Variants in HDAC9 observed in about 807,000 individuals in gnomAD.
HDAC9 encodes MEF-2 interacting transcription repressor (MITR) protein.
HDAC9 carries 41 observed loss-of-function variants against 139.4 expected under a neutral mutation model. That is an observed-to-expected ratio of 0.29 (90% CI 0.23 to 0.38). The LOEUF (loss-of-function observed/expected upper bound fraction) is 0.38, where lower values mean the gene tolerates loss of function less well. Ranked by LOEUF, HDAC9 falls within the 10% of genes least tolerant of loss-of-function variation. The pLI is 1.00. For synonymous variants in HDAC9, 517 were observed against 476.2 expected (o/e 1.09, Z -1.12); for missense variants, 1,147 against 1,297.0 (o/e 0.88, Z 1.78).
At chr7:18,391,656 A>G (rs1346230162) in intron 1 of HDAC9, among the ~76,000 whole-genome samples, 2 of 152,246 alleles carry the variant, frequency 1.3e-5, no homozygotes, top group Non-Finnish European at 2.9e-5. Flanking sequence ...TGAGGATACT[A>G]GAGAGCTTCT....
At chr7:18,717,446 T>TTG (rs1441429563) in intron 12 of HDAC9, among the ~76,000 whole-genome samples, 7 of 151,868 alleles carry the variant, frequency 4.6e-5, no homozygotes, top group African/African-American at 1.7e-4. Context: ...TTTTTTTTTT[T>TTG]TTGAGACGGA....
chr7:18,412,431 A>T (rs1053327633), intron 1 of HDAC9, among the ~76,000 whole-genome samples: 1 of 152,178 alleles, frequency 6.6e-6, no homozygotes, highest in Non-Finnish European at 1.5e-5. Context: ...GGCTTCCCAC[A>T]GTACTATAAG....
At chr7:18,184,127 G>A (rs1376244224) in intron 2 of HDAC9, among the ~76,000 whole-genome samples, 4 of 152,098 alleles carry the variant, frequency 2.6e-5, no homozygotes, top group Admixed American at 6.5e-5. Flanking sequence ...GGCCGGGCGC[G>A]GCAGCTCATG....
At chr7:18,755,410 G>A (rs149788427) in intron 14 of HDAC9, among the ~76,000 whole-genome samples, 40 of 152,180 alleles carry the variant, frequency 2.6e-4, no homozygotes, top group Middle Eastern at 3.4e-3. Flanking sequence ...AAACAGCAGC[G>A]TTGAAGCTTA....
intron 6 of HDAC9, among the ~76,000 whole-genome samples, chr7:18,604,236 C>G (rs1407244040): frequency 1.3e-5 from 2 of 151,968 alleles, no homozygotes; most frequent in African/African-American, 2.4e-5. Context: ...TTTTGCTATT[C>G]CCATTAGGAA....
chr7:18,751,002 C>G (rs1011914312), intron 14 of HDAC9, among the ~76,000 whole-genome samples: 1 of 152,148 alleles, frequency 6.6e-6, no homozygotes, highest in African/African-American at 2.4e-5. Flanking sequence ...TTCCTAAATC[C>G]TATTACCTGA....
At position 18,649,551 on chromosome 7, in the gene HDAC9, A is replaced by G. The variant is rs555469895; in HGVS notation, c.1467+868A>G. On this transcript the variant is annotated intron_variant, in intron 11 of 25. Transcript: ENST00000686413. The stretch of plus-strand genomic sequence containing the variant: ...GAGAGGCATGATATTGCAAACTGAT[A>G]CTTTGTTTACTGATAAATGGATAGC... Among the ~76,000 whole-genome samples the G allele has an allele frequency of 2.6e-5, 4 of 152,260 alleles. No individual in the cohort carries two copies. In the South Asian group the frequency reaches 8.3e-4, roughly 32 times the overall value.
At chr7:18,584,016 C>A (rs1272706321) in intron 2 of HDAC9, among the ~76,000 whole-genome samples, 1 of 152,090 alleles carries the variant, frequency 6.6e-6, no homozygotes, top group Non-Finnish European at 1.5e-5. Flanking sequence ...ATTTAACAAC[C>A]AGTTTGGCAT....
At chr7:18,647,636 A>G in intron 9 of HDAC9, 149 bp from the exon 10 acceptor site, 2 of 602,610 alleles carry the variant, frequency 3.3e-6, no homozygotes, top group Non-Finnish European at 5.7e-6. Context: ...GAGTTAGTTT[A>G]AAAAGTCCAT....
Position 18,732,978 on chromosome 7 carries a change from T to C in HDAC9, c.1909+5221T>C, listed in dbSNP as rs530640147. Among the ~76,000 whole-genome samples, 218 of 108,566 alleles carry C rather than the reference T, an allele frequency of 2.0e-3. 8 individuals carry two copies. Among genetic ancestry groups the C allele is most frequent in the African/African-American group, 6.6e-3 (103 of 15,490 alleles). 71.2% of individuals were successfully genotyped at this position (108,566 alleles called of 152,430 possible). A position where few individuals can be genotyped will look rare whatever the true frequency, so the allele number is the denominator to read the frequency against. Reference sequence around the variant, plus strand: ...ATGTGTGTGTATGTGTATATACACATGTGTATGTGTGTGTATGTGTATATA... The same window carrying C: ...ATGTGTGTGTATGTGTATATACACACGTGTATGTGTGTGTATGTGTATATA... On this transcript the variant is annotated intron_variant, in intron 13 of 25. Coordinates refer to ENST00000686413, the MANE Select transcript of HDAC9 (RefSeq NM_178425.4).
chr7:18,837,797 G>A (rs542773311), intron 21 of HDAC9, among the ~76,000 whole-genome samples: 4 of 152,098 alleles, frequency 2.6e-5, no homozygotes, highest in African/African-American at 4.8e-5. Flanking sequence ...TAATGTAAAC[G>A]CAGATATTAA....
intron 13 of HDAC9, among the ~76,000 whole-genome samples, chr7:18,731,425 C>G (rs1584930792): frequency 6.6e-6 from 1 of 152,124 alleles, no homozygotes; most frequent in African/African-American, 2.4e-5. Flanking sequence ...ACATAATTTT[C>G]AATGCACATC....
chr7:18,770,244 C>CT (rs1790174586), intron 16 of HDAC9, among the ~76,000 whole-genome samples: 1 of 152,118 alleles, frequency 6.6e-6, no homozygotes, highest in Non-Finnish European at 1.5e-5. Context: ...GTTTGCTTTT[C>CT]TTTTTGTTCA....
At chr7:18,866,783 G>A (rs1045971088) in intron 21 of HDAC9, among the ~76,000 whole-genome samples, 1 of 152,200 alleles carries the variant, frequency 6.6e-6, no homozygotes, top group African/African-American at 2.4e-5. Context: ...AACTGAGCAC[G>A]TCAAATGAGT....
intron 2 of HDAC9, among the ~76,000 whole-genome samples, chr7:18,211,000 C>G (rs1291743830): frequency 6.6e-6 from 1 of 152,004 alleles, no homozygotes; most frequent in East Asian, 1.9e-4. Flanking sequence ...TAAATATGAC[C>G]ACAGTTACTT....
chr7:18,327,544 A>G (rs1800554855), intron 1 of HDAC9: 1 of 151,954 alleles, frequency 6.6e-6, no homozygotes, highest in Non-Finnish European at 1.5e-5. Flanking sequence ...GGAATGTGCG[A>G]CACTTCATCT....
At chr7:18,185,623 T>C (rs990808428) in intron 2 of HDAC9, among the ~76,000 whole-genome samples, 1 of 150,754 alleles carries the variant, frequency 6.6e-6, no homozygotes, top group South Asian at 2.1e-4. Context: ...AAAAAGCCCC[T>C]TTTTTTTCTC....
intron 1 of HDAC9, among the ~76,000 whole-genome samples, chr7:18,110,043 C>G (rs1350769564): frequency 6.6e-6 from 1 of 152,102 alleles, no homozygotes; most frequent in African/African-American, 2.4e-5. Flanking sequence ...AAGAACATTC[C>G]CCAGACAATT....
chr7:18,816,896 A>G (rs1367857721), intron 17 of HDAC9, among the ~76,000 whole-genome samples: 1 of 152,240 alleles, frequency 6.6e-6, no homozygotes, highest in Non-Finnish European at 1.5e-5. Flanking sequence ...GCAGTCACAT[A>G]TAAATGACCT....
Sources: gnomAD v4.1 joint callset for allele counts (sites outside exome capture counted in the v4.1 genomes callset) on GRCh38, gnomAD v4.1.1 for gene constraint, MANE v1.5 for transcripts, NCBI Gene and HGNC (gene_info 2026-07-23, HGNC 2026-07-21) for gene names.